The following NEO1 variants were observed in gnomAD, a reference collection of about 807,000 sequenced individuals.
The protein encoded by NEO1 is neogenin.
Under a neutral mutation model 159.7 loss-of-function variants are expected in NEO1, and 63 were observed. The ratio of observed to expected loss-of-function variants is 0.39; its 90% confidence interval spans 0.32 to 0.49. The LOEUF (loss-of-function observed/expected upper bound fraction) is 0.49. Among genes scored for constraint, NEO1 ranks in the 20% least tolerant of loss-of-function variants. The probability of loss-of-function intolerance (pLI) is 0.85; values close to 1 mark genes in which losing one functional copy is unlikely to be tolerated. For missense variants in NEO1, 1,615 were observed against 1,831.0 expected, an observed-to-expected ratio of 0.88 and a Z score of 2.15; for synonymous variants, 633 against 662.0, an observed-to-expected ratio of 0.96 and a Z score of 0.67.
chr15:73,234,589 A>G (rs963436623), intron 7 of NEO1, among the ~76,000 whole-genome samples: 1 of 152,236 alleles, frequency 6.6e-6, no homozygotes, highest in African/African-American at 2.4e-5. Flanking sequence ...GTACAGTACT[A>G]CAAGGCCTCA....
intron 7 of NEO1, among the ~76,000 whole-genome samples, chr15:73,187,031 G>A (rs2035971458): frequency 6.6e-6 from 1 of 152,188 alleles, no homozygotes; most frequent in African/African-American, 2.4e-5. Context: ...GGTATATGTA[G>A]TGTAGTCCGA....
intron 7 of NEO1, among the ~76,000 whole-genome samples, chr15:73,226,994 GC>G (rs2038626950): frequency 6.6e-6 from 1 of 152,148 alleles, no homozygotes; most frequent in Non-Finnish European, 1.5e-5. Flanking sequence ...GGTGCAACAT[GC>G]CTAGTGCAGA....
chr15:73,254,895 C>G, intron 13 of NEO1, 66 bp downstream of exon 13: 1 of 1,523,512 alleles, frequency 6.6e-7, no homozygotes, highest in Non-Finnish European at 8.9e-7. Flanking sequence ...TTATGCTAGT[C>G]TAATGACTGC....
chr15:73,230,297 C>G (rs1335580035), intron 7 of NEO1, among the ~76,000 whole-genome samples: 1 of 151,862 alleles, frequency 6.6e-6, no homozygotes, highest in Non-Finnish European at 1.5e-5. Context: ...GAATTTTTCC[C>G]CTTCCTCTAA....
intron 1 of NEO1, among the ~76,000 whole-genome samples, chr15:73,054,918 TA>T (rs1478347171): frequency 5.9e-5 from 9 of 152,208 alleles, no homozygotes; most frequent in Non-Finnish European, 1.3e-4. Flanking sequence ...GATAGACTTA[TA>T]AATCTTTTTA....
intron 7 of NEO1, among the ~76,000 whole-genome samples, chr15:73,225,307 G>A (rs775911707): frequency 6.6e-6 from 1 of 152,124 alleles, no homozygotes; most frequent in Non-Finnish European, 1.5e-5. Flanking sequence ...GTACTTTCCA[G>A]AGAGCATCAG....
chr15:73,210,825 G>A (rs1032453433), intron 7 of NEO1, among the ~76,000 whole-genome samples: 2 of 152,268 alleles, frequency 1.3e-5, no homozygotes, highest in Non-Finnish European at 2.9e-5. Context: ...TGTTTAGAAA[G>A]TCAGCCCCAG....
chr15:73,198,195 T>C (rs1319374193), intron 7 of NEO1, among the ~76,000 whole-genome samples: 2 of 152,118 alleles, frequency 1.3e-5, no homozygotes, highest in African/African-American at 4.8e-5. Context: ...GCACTCAGGA[T>C]TCATCATGAT....
Position 73,264,430 on chromosome 15 carries a change from T to C in NEO1, c.2399-1886T>C, listed in dbSNP as rs137878573. Among the ~76,000 whole-genome samples the C allele has an allele frequency of 3.3e-5, 5 of 152,282 alleles. No homozygotes were observed. In the East Asian group the frequency reaches 7.7e-4, roughly 23 times the overall value. On this transcript the variant is annotated intron_variant, in intron 15 of 28. Coordinates refer to ENST00000261908, the MANE Select transcript of NEO1 (RefSeq NM_002499.4). ...GCAGTCAGGGAAGAAACCCCTGAGC[T>C]TGAAAGATAGAATCAAAATAGCGTT... is the stretch of plus-strand genomic sequence containing the variant.
intron 7 of NEO1, among the ~76,000 whole-genome samples, chr15:73,224,062 T>C (rs1389275624): frequency 1.3e-5 from 2 of 152,216 alleles, no homozygotes; most frequent in Non-Finnish European, 2.9e-5. Context: ...TATGTGATGC[T>C]TAGTTTCACT....
At chr15:73,161,834 C>A in intron 5 of NEO1, 1 of 265,164 alleles carries the variant, frequency 3.8e-6, no homozygotes. Flanking sequence ...CTTCCAGAAG[C>A]AATTCTTTAT....
intron 5 of NEO1, among the ~76,000 whole-genome samples, chr15:73,155,435 G>A (rs1370863364): frequency 3.3e-5 from 5 of 152,162 alleles, no homozygotes; most frequent in Middle Eastern, 3.4e-3. Context: ...ATGCTGTGGT[G>A]CATATTCCAA....
At chr15:73,164,888 A>G (rs998696600) in intron 5 of NEO1, among the ~76,000 whole-genome samples, 3 of 152,218 alleles carry the variant, frequency 2.0e-5, no homozygotes, top group Non-Finnish European at 4.4e-5. Context: ...AGAGAGAAAT[A>G]CAAGTTGCAG....
chr15:73,185,201 G>C lies in NEO1; in HGVS notation c.1291+6774G>C, dbSNP rs562287892. On this transcript the variant is annotated intron_variant, in intron 7 of 28. Transcript: ENST00000261908. ...AAACCACTCTGTATGATACTATAGG[G>C]GAGGATACGTGTCATAAATTTGTCC... 2.6e-5 allele frequency among the ~76,000 whole-genome samples: 4 copies of C among 152,220 alleles called. 1 individual carries two copies. The South Asian group carries it at 8.3e-4, about 32-fold the overall frequency.
At chr15:73,269,918 T>C in intron 16 of NEO1, 92 bp from the exon 17 acceptor site, 1 of 988,122 alleles carries the variant, frequency 1.0e-6, no homozygotes, top group Non-Finnish European at 1.6e-6. Context: ...TTTCTCACCT[T>C]TCATTCCATT....
rs145741810 is a variant in NEO1, at chr15:73,281,140, G to A, written c.3263-1824G>A. 6.0e-3 allele frequency among the ~76,000 whole-genome samples: 904 copies of A among 149,600 alleles called. 12 individuals carry two copies. Among genetic ancestry groups the A allele is most frequent in the African/African-American group, 0.021 (860 of 40,874 alleles). ...GGAGAATGGCATGAACCAGAGGGGC[G>A]GAGCTTGCAGTGAGCGGAGATTGTG... On this transcript the variant is annotated intron_variant, in intron 22 of 28. Coordinates refer to ENST00000261908, the MANE Select transcript of NEO1 (RefSeq NM_002499.4).
At chr15:73,205,001 A>C (rs547706454) in intron 7 of NEO1, among the ~76,000 whole-genome samples, 1 of 152,166 alleles carries the variant, frequency 6.6e-6, no homozygotes, top group African/African-American at 2.4e-5. Context: ...TCTACTCTTG[A>C]CTTCGGAACT....
chr15:73,143,753 C>A (rs1481420566), intron 5 of NEO1, among the ~76,000 whole-genome samples: 1 of 152,136 alleles, frequency 6.6e-6, no homozygotes, highest in Non-Finnish European at 1.5e-5. Context: ...AGCAGTGTTC[C>A]CCTGTGTCCC....
chr15:73,200,316 T>A (rs2036791239), intron 7 of NEO1, among the ~76,000 whole-genome samples: 1 of 152,020 alleles, frequency 6.6e-6, no homozygotes. Context: ...AGTGGTCGCT[T>A]ACACCTATAA....
Sources: allele counts gnomAD v4.1 joint callset (sites outside exome capture counted in the v4.1 genomes callset), GRCh38; gene constraint gnomAD v4.1.1; transcripts MANE v1.5; gene names NCBI Gene and HGNC (gene_info 2026-07-23, HGNC 2026-07-21).